The following TDRD1 variants were observed in gnomAD, a reference collection of about 807,000 sequenced individuals.
TDRD1 encodes tudor domain containing 1, also known as tudor domain-containing protein 1.
Under a neutral mutation model 140.6 loss-of-function variants are expected in TDRD1, and 37 were observed. The ratio of observed to expected loss-of-function variants is 0.26; its 90% CI spans 0.20 to 0.35. The LOEUF (loss-of-function observed/expected upper bound fraction) is 0.35, where lower values mean the gene tolerates loss of function less well. Ranked by LOEUF, TDRD1 falls within the 10% of genes least tolerant of loss-of-function variation. The pLI is 1.00. For missense variants in TDRD1, 1,243 were observed against 1,393.0 expected, an observed-to-expected ratio of 0.89 and a Z score of 1.71; for synonymous variants, 506 against 475.7, an observed-to-expected ratio of 1.06 and a Z score of -0.83.
intron 5 of TDRD1, 115 bp downstream of exon 5, chr10:114,201,630 C>A: frequency 1.3e-6 from 1 of 759,668 alleles, no homozygotes; most frequent in Non-Finnish European, 2.1e-6. Flanking sequence ...TTCTTAAGCT[C>A]TATAACAAAG....
rs571118585 is a variant in TDRD1 at position 114,227,815 on chromosome 10, G to A, written c.3404-95G>A. On this transcript the variant is annotated intron_variant, in intron 23 of 25. Transcript: ENST00000251864. The stretch of plus-strand genomic sequence containing the variant: ...AGGTCTTTGTAGTCGGAACCCATGC[G>A]CAAGGGGGAGAGCTATCTGTATATG... The A allele has an allele frequency of 1.4e-4, 131 of 945,474 alleles. 1 individual carries two copies. Among genetic ancestry groups the A allele is most frequent in the East Asian group, 1.2e-3 (52 of 41,654 alleles). The allele number at this position is 945,474 out of a possible 1,614,324, so 58.6% of individuals were successfully genotyped here.
chr10:114,198,669 G>A (rs1186444801), intron 3 of TDRD1, among the ~76,000 whole-genome samples: 2 of 152,138 alleles, frequency 1.3e-5, no homozygotes, highest in Non-Finnish European at 2.9e-5. Context: ...AATGATGAGG[G>A]TCTCACTGTG....
chr10:114,185,952 C>A (rs1369044457), intron 1 of TDRD1, among the ~76,000 whole-genome samples: 1 of 152,074 alleles, frequency 6.6e-6, no homozygotes, highest in Non-Finnish European at 1.5e-5. Context: ...GGAACCTTAC[C>A]ATATAATTTG....
intron 3 of TDRD1, among the ~76,000 whole-genome samples, chr10:114,193,154 A>T (rs181985704): frequency 1.6e-4 from 24 of 152,214 alleles, no homozygotes; most frequent in Admixed American, 7.2e-4. Context: ...TGTTTTGCTC[A>T]ATTTACACTT....
intron 22 of TDRD1, 85 bp downstream of exon 22, chr10:114,226,301 A>G: frequency 3.3e-6 from 3 of 912,254 alleles, no homozygotes; most frequent in Non-Finnish European, 5.0e-6. Context: ...GTCGGAATCA[A>G]ATGGGTATTT....
chr10:114,231,663 G>A, exon 26 of TDRD1: 1 of 576,048 alleles, frequency 1.7e-6, no homozygotes, highest in African/African-American at 2.0e-5. Context: ...TATTAGGTTG[G>A]TGGTTTTTAT....
intron 25 of TDRD1, among the ~76,000 whole-genome samples, chr10:114,231,234 GATATCTTTTAT>G (rs1215887825): frequency 3.3e-5 from 5 of 152,182 alleles, no homozygotes; most frequent in African/African-American, 1.2e-4. Flanking sequence ...GTTAATGTCA[GATATCTTTTAT>G]ATATAAGGAG....
intron 1 of TDRD1, among the ~76,000 whole-genome samples, chr10:114,184,170 A>AT (rs112348745): frequency 0.21 from 30,883 of 146,616 alleles, 3,511 homozygotes; most frequent in African/African-American, 0.31. Context: ...TTCAATTTGA[A>AT]TTTTTTTTTT....
intron 18 of TDRD1, among the ~76,000 whole-genome samples, chr10:114,219,936 A>G (rs2036042336): frequency 6.6e-6 from 1 of 152,120 alleles, no homozygotes; most frequent in Non-Finnish European, 1.5e-5. Context: ...AGTGCTGCTT[A>G]AATTATGGCC....
intron 21 of TDRD1, 66 bp from the exon 22 acceptor site, chr10:114,225,983 A>G (rs570675371): frequency 2.3e-6 from 3 of 1,321,844 alleles, no homozygotes; most frequent in East Asian, 4.6e-5. Context: ...AACTATGAAT[A>G]GCCATCTTAA....
Position 114,190,753 on chromosome 10 carries a change from G to T in TDRD1, c.326-208G>T, listed in dbSNP as rs574633240. The stretch of plus-strand genomic sequence containing the variant: ...TCCACCTGCCTTGGCCTCCCAAAGT[G>T]CTGGGATTATAGGGGTGAGCCACTG... On this transcript the variant is annotated intron_variant, in intron 2 of 25. Transcript: ENST00000251864. Among the ~76,000 whole-genome samples, 750 of 152,314 alleles carry T rather than the reference G, an allele frequency of 4.9e-3. 1 individual carries two copies. Among genetic ancestry groups the T allele is most frequent in the Non-Finnish European group, 8.6e-3 (583 of 68,028 alleles).
intron 16 of TDRD1, among the ~76,000 whole-genome samples, chr10:114,214,386 G>A (rs1330183660): frequency 6.6e-6 from 1 of 152,060 alleles, no homozygotes; most frequent in East Asian, 1.9e-4. Context: ...ATTCGGCCTG[G>A]TATAGTGGCT....
chr10:114,178,512 A>G (rs1178670424), upstream of TDRD1, among the ~76,000 whole-genome samples: 1 of 152,216 alleles, frequency 6.6e-6, no homozygotes, highest in Non-Finnish European at 1.5e-5. Context: ...GATCTCTGAA[A>G]GTATCTTTTC....
intron 1 of TDRD1, chr10:114,179,991 T>G (rs915171461): frequency 1.3e-5 from 2 of 152,180 alleles, no homozygotes; most frequent in Non-Finnish European, 2.9e-5. Flanking sequence ...GGCCGTGGAG[T>G]CTGACCTGCG....
chr10:114,178,883 C>A (rs3863276), upstream of TDRD1, among the ~76,000 whole-genome samples: 2,077 of 134,228 alleles, frequency 0.015, 51 homozygotes, highest in African/African-American at 0.051. Flanking sequence ...AAAAAAAAAA[C>A]AAAACTTAAA....
chr10:114,219,319 C>T (rs2035999407), intron 18 of TDRD1, among the ~76,000 whole-genome samples: 1 of 152,212 alleles, frequency 6.6e-6, no homozygotes, highest in Admixed American at 6.5e-5. Flanking sequence ...CTACCTTCCT[C>T]AAAGAGTTGT....
chr10:114,214,594 A>G (rs1013353078), intron 16 of TDRD1, among the ~76,000 whole-genome samples: 3 of 152,206 alleles, frequency 2.0e-5, no homozygotes, highest in Non-Finnish European at 2.9e-5. Flanking sequence ...GTATAGATAC[A>G]TGTGTATATA....
At position 114,187,824 on chromosome 10, in the gene TDRD1, A is replaced by G; in HGVS notation, c.-6-2A>G. 1 of 1,557,990 alleles carries G rather than the reference A, an allele frequency of 6.4e-7. No homozygotes were observed. On this transcript the variant is annotated splice_acceptor_variant, in intron 1 of 25. Coordinates refer to ENST00000251864, the Ensembl canonical transcript of TDRD1. LOFTEE classifies it low-confidence loss of function (5UTR_SPLICE). Reference sequence around the variant, plus strand: ...GTCTCTTAAATACATTTCTCTCCTTAGGCCTCGATGAGTGTTAAATCGCCA... The same window carrying G: ...GTCTCTTAAATACATTTCTCTCCTTGGGCCTCGATGAGTGTTAAATCGCCA...
chr10:114,211,275 T>C (rs928424106), intron 13 of TDRD1, among the ~76,000 whole-genome samples: 2 of 152,192 alleles, frequency 1.3e-5, no homozygotes, highest in Admixed American at 1.3e-4. Flanking sequence ...TTTAAGCTAA[T>C]AGGGGGATGT....
Sources: gnomAD v4.1 joint callset for allele counts (sites outside exome capture counted in the v4.1 genomes callset) on GRCh38, gnomAD v4.1.1 for gene constraint, MANE v1.5 for transcripts, NCBI Gene and HGNC (gene_info 2026-07-23, HGNC 2026-07-21) for gene names.